The following INPP5D variants were observed in gnomAD, a reference collection of about 807,000 sequenced individuals.
INPP5D encodes inositol polyphosphate-5-phosphatase D, also known as phosphatidylinositol 3,4,5-trisphosphate 5-phosphatase 1.
Under a neutral mutation model 122.9 loss-of-function variants are expected in INPP5D, and 33 were observed. The ratio of observed to expected loss-of-function variants is 0.27; its 90% CI spans 0.20 to 0.36. The LOEUF (loss-of-function observed/expected upper bound fraction) is 0.36, where lower values mean the gene tolerates loss of function less well. Ranked by LOEUF, INPP5D falls within the 10% of genes least tolerant of loss-of-function variation. The pLI is 1.00. For missense variants in INPP5D, 1,053 were observed against 1,412.7 expected (o/e 0.75, Z 4.08); for synonymous variants, 584 against 576.2 (o/e 1.01, Z -0.19).
intron 2 of INPP5D, among the ~76,000 whole-genome samples, chr2:233,081,864 G>A (rs1691699809): frequency 6.6e-6 from 1 of 152,156 alleles, no homozygotes; most frequent in Non-Finnish European, 1.5e-5. Context: ...TCCTAAGAAG[G>A]AGTCTGATGG....
intron 2 of INPP5D, among the ~76,000 whole-genome samples, chr2:233,121,286 C>T (rs1692967450): frequency 6.6e-6 from 1 of 151,542 alleles, no homozygotes; most frequent in African/African-American, 2.4e-5. Flanking sequence ...TGCGCACCAC[C>T]ACGCTTGGCT....
rs150409285 is a variant in INPP5D at position 233,062,713 on chromosome 2, C to T, written c.134+2101C>T. 1.2e-4 allele frequency among the ~76,000 whole-genome samples: 19 copies of T among 152,268 alleles called. No homozygotes were observed. The East Asian group carries it at 3.7e-3, about 29-fold the overall frequency. Reference sequence around the variant, plus strand: ...GAGTCCCACCCCTTGGCCAGACAAACCCTGGGCTCAGTGTTTCCCTTTCTC... The same window carrying T: ...GAGTCCCACCCCTTGGCCAGACAAATCCTGGGCTCAGTGTTTCCCTTTCTC... On this transcript the variant is annotated intron_variant, in intron 1 of 26. Transcript: ENST00000445964.
At chr2:233,069,533 T>C (rs989454441) in intron 1 of INPP5D, among the ~76,000 whole-genome samples, 1 of 152,240 alleles carries the variant, frequency 6.6e-6, no homozygotes, top group Non-Finnish European at 1.5e-5. Context: ...TACATGTATA[T>C]GTATAATTTT....
In INPP5D at chr2:233,204,377, A is replaced by T. The variant is rs1215775990; in HGVS notation, c.3227A>T (p.Lys1076Met). ...QEADRGEGPG[K>M]QVPAPRLRSF... ...GCTGATCGCGGCGAGGGGCCCGGCAAGCAGGTGCCCGCGCCCCGGCTGCGC... is the reference window on the plus strand; with the variant it reads ...GCTGATCGCGGCGAGGGGCCCGGCATGCAGGTGCCCGCGCCCCGGCTGCGC... Residue 1076 changes from lysine (K) to methionine (M), a missense_variant, in exon 26 of 27, where the codon AAG becomes ATG. Around this residue, in one of 6 missense-constraint regions of INPP5D, gnomAD observed 417 missense variants for 425.8 expected, o/e 0.98. Transcript: ENST00000445964. The T allele has an allele frequency of 2.5e-6, 4 of 1,610,198 alleles. No homozygotes were observed. The East Asian group carries it at 8.9e-5, about 36-fold the overall frequency.
At position 233,062,344 on chromosome 2, in the gene INPP5D, G is replaced by A. The variant is rs543896986; in HGVS notation, c.134+1732G>A. On this transcript the variant is annotated intron_variant, in intron 1 of 26. Coordinates refer to ENST00000445964, the MANE Select transcript of INPP5D (RefSeq NM_001017915.3). The stretch of plus-strand genomic sequence containing the variant: ...GACTCCGAGCCGTGAGCATCTTAAC[G>A]TCTAGGATTAGCCTGAGCCAGAGTC... Among the ~76,000 whole-genome samples the A allele has an allele frequency of 3.3e-5, 5 of 152,352 alleles. No homozygotes were observed. In the East Asian group the frequency reaches 5.8e-4, roughly 18 times the overall value.
In INPP5D at chr2:233,150,478, G is replaced by A. The variant is rs190863316; in HGVS notation, c.1030+2884G>A. On this transcript the variant is annotated intron_variant, in intron 9 of 26. Coordinates refer to ENST00000445964, the MANE Select transcript of INPP5D (RefSeq NM_001017915.3). ...TCTTGGGTATGTCTTTATTAGCAGCGTGAGAACAGACTAATACATCTGTTA... is the reference window on the plus strand; with the variant it reads ...TCTTGGGTATGTCTTTATTAGCAGCATGAGAACAGACTAATACATCTGTTA... 9.6e-4 allele frequency among the ~76,000 whole-genome samples: 146 copies of A among 151,868 alleles called. 1 individual carries two copies. Among genetic ancestry groups the A allele is most frequent in the African/African-American group, 3.2e-3 (131 of 41,514 alleles).
At chr2:233,127,505 A>G (rs900737486) in intron 4 of INPP5D, among the ~76,000 whole-genome samples, 2 of 152,248 alleles carry the variant, frequency 1.3e-5, no homozygotes, top group African/African-American at 4.8e-5. Flanking sequence ...CAAGTTAATC[A>G]GATCTCATCA....
chr2:233,149,022 T>C (rs925067579), intron 9 of INPP5D, among the ~76,000 whole-genome samples: 1 of 151,892 alleles, frequency 6.6e-6, no homozygotes, highest in African/African-American at 2.4e-5. Context: ...TATGCAACAA[T>C]GATTCACAGT....
chr2:233,088,823 A>T lies in INPP5D; in HGVS notation c.198+9425A>T, dbSNP rs542403430. Among the ~76,000 whole-genome samples, 30 of 152,214 alleles carry T rather than the reference A, an allele frequency of 2.0e-4. 2 individuals are homozygous for T. Among genetic ancestry groups the T allele is most frequent in the Admixed American group, 1.8e-3 (27 of 15,292 alleles). ...GGGCTGAGACTTTGGGACACAAAAA[A>T]CTCAGGTGTCCTGGGATTGACAGCA... On this transcript the variant is annotated intron_variant, in intron 2 of 26. Coordinates refer to ENST00000445964, the MANE Select transcript of INPP5D (RefSeq NM_001017915.3).
intron 3 of INPP5D, among the ~76,000 whole-genome samples, chr2:233,122,700 G>A (rs1289081794): frequency 2.0e-5 from 3 of 152,172 alleles, no homozygotes; most frequent in Non-Finnish European, 2.9e-5. Flanking sequence ...CTAGCTACTC[G>A]GGAGGCCGAG....
chr2:233,167,531 G>C (rs1049960898), intron 13 of INPP5D, among the ~76,000 whole-genome samples: 1 of 152,194 alleles, frequency 6.6e-6, no homozygotes, highest in Admixed American at 6.5e-5. Flanking sequence ...GGAACCAGTT[G>C]CTCAGTTCCA....
At chr2:233,174,423 T>C (rs1275327624) in intron 17 of INPP5D, among the ~76,000 whole-genome samples, 2 of 152,250 alleles carry the variant, frequency 1.3e-5, no homozygotes, top group African/African-American at 4.8e-5. Flanking sequence ...AGTCCATTAC[T>C]GTGGTACATG....
chr2:233,093,784 G>A (rs546560667), intron 2 of INPP5D, among the ~76,000 whole-genome samples: 49 of 152,146 alleles, frequency 3.2e-4, no homozygotes, highest in Non-Finnish European at 5.3e-4. Flanking sequence ...GGGGTGAAAA[G>A]ATTTGCAAAA....
chr2:233,134,728 G>C (rs1421665733), intron 5 of INPP5D, among the ~76,000 whole-genome samples: 4 of 152,110 alleles, frequency 2.6e-5, no homozygotes. Context: ...ATTGCAAGTG[G>C]AATTTAAAAT....
chr2:233,204,996 T>C, intron 26 of INPP5D: 1 of 436,666 alleles, frequency 2.3e-6, no homozygotes. Flanking sequence ...AAGGCGGGGC[T>C]GTGGATAAAC....
intron 2 of INPP5D, among the ~76,000 whole-genome samples, chr2:233,089,675 T>C (rs527595087): frequency 1.8e-4 from 28 of 152,322 alleles, no homozygotes; most frequent in African/African-American, 6.7e-4. Flanking sequence ...CTATATTCCT[T>C]GAGGGTCAGA....
intron 9 of INPP5D, among the ~76,000 whole-genome samples, chr2:233,149,516 TG>T (rs1693867916): frequency 6.6e-6 from 1 of 152,208 alleles, no homozygotes; most frequent in African/African-American, 2.4e-5. Flanking sequence ...CAGGATGCTC[TG>T]TCCCCCAGGT....
chr2:233,157,645 G>A (rs1694088758), intron 9 of INPP5D, among the ~76,000 whole-genome samples: 1 of 98,696 alleles, frequency 1.0e-5, no homozygotes, highest in South Asian at 4.4e-4. Flanking sequence ...GGGGGAGCAG[G>A]TTGTGTGTGT....
chr2:233,061,277 T>G lies in INPP5D; in HGVS notation c.134+665T>G, dbSNP rs4074287. Among the ~76,000 whole-genome samples, 276 of 136,576 alleles carry G rather than the reference T, an allele frequency of 2.0e-3. 7 individuals are homozygous for G. In the South Asian group the frequency reaches 0.029, roughly 14 times the overall value. The allele number at this position is 136,576 out of a possible 152,430, so 89.6% of individuals were successfully genotyped here. ...ACCATCAACTCCTCCCACTGCCCGG[T>G]TGGGGATGTTACTGAATGTACCAGC... is the stretch of plus-strand genomic sequence containing the variant. On this transcript the variant is annotated intron_variant, in intron 1 of 26. Coordinates refer to ENST00000445964, the MANE Select transcript of INPP5D (RefSeq NM_001017915.3).
Sources: gnomAD v4.1 joint callset for allele counts (sites outside exome capture counted in the v4.1 genomes callset) on GRCh38, gnomAD v4.1.1 for gene constraint, gnomAD v4.1.1 regional missense constraint, MANE v1.5 for transcripts, NCBI Gene and HGNC (gene_info 2026-07-23, HGNC 2026-07-21) for gene names.